Variants in ZGLP1 observed in about 807,000 individuals in gnomAD.
ZGLP1 encodes GATA-type zinc finger protein 1.
A neutral mutation model predicts 21.4 loss-of-function variants in ZGLP1; 11 were observed. The observed-to-expected ratio is 0.51, with a 90% CI of 0.32 to 0.85. The LOEUF is 0.85. Among genes scored for constraint, ZGLP1 ranks in the 40% least tolerant of loss-of-function variants. The pLI is 0.03. For synonymous variants in ZGLP1, 148 were observed against 145.0 expected (o/e 1.02, Z -0.15); for missense variants, 295 against 355.6 (o/e 0.83, Z 1.37).
chr19:10,308,271 G>A (rs878999327), exon 1 of ZGLP1: 2 of 1,604,380 alleles, frequency 1.2e-6, no homozygotes, highest in East Asian at 2.2e-5. Flanking sequence ...CCACTCTCTC[G>A]GTGCCCCGGC....
Position 10,305,723 on chromosome 19 carries a change from G to T in ZGLP1, c.604+123C>A. On this transcript the variant is annotated intron_variant, in intron 2 of 3. Coordinates refer to ENST00000403903, the Ensembl canonical transcript of ZGLP1. This position sits in a 1 kb window ranked among gnomAD's most constrained non-coding sequence, Gnocchi z 4.7. ...CAGCCCAAGTGGAGGGGGGTGCTGC[G>T]ACTCCTCCCTGAGGGCTCTAAATGG... 1.2e-6 allele frequency: 1 copy of T among 841,290 alleles called. No homozygotes were observed. Among genetic ancestry groups the T allele is most frequent in the South Asian group, 1.5e-5 (1 of 67,924 alleles). The allele number at this position is 841,290 out of a possible 1,614,324, so 52.1% of individuals were successfully genotyped here.
Position 10,305,936 on chromosome 19 carries a change from G to A in ZGLP1, c.514C>T (p.Arg172Cys), listed in dbSNP as rs986186130. 65 of 1,560,804 alleles carry A rather than the reference G, an allele frequency of 4.2e-5. No individual in the cohort carries two copies. Among genetic ancestry groups the A allele is most frequent in the Admixed American group, 7.6e-5 (4 of 52,338 alleles). ...GCATCTGCAGGGGATTCCTGAGAAC[G>A]GCTACTGCAGGGCAGGCTGTGGGGC... Residue 172 changes from arginine (R) to cysteine (C), a missense_variant, in exon 2 of 4, where the codon CGT (arginine) becomes TGT (cysteine). Transcript: ENST00000403903. This position sits in a 1 kb window ranked among gnomAD's most constrained non-coding sequence, Gnocchi z 4.7.
chr19:10,304,819 T>C (rs2040269685), exon 4 of ZGLP1: 1 of 493,204 alleles, frequency 2.0e-6, no homozygotes, highest in Non-Finnish European at 3.6e-6. Context: ...CATATCTCTG[T>C]ACTTTATTGT....
rs779840785 is a variant in ZGLP1 at position 10,305,901 on chromosome 19, G to A, written c.549C>T (p.Gly183=). The A allele has an allele frequency of 8.9e-6, 14 of 1,564,902 alleles. No homozygotes were observed. Among genetic ancestry groups the A allele is most frequent in the African/African-American group, 2.7e-5 (2 of 73,978 alleles). The stretch of plus-strand genomic sequence containing the variant: ...CGGTGCCTCCTGGGTGGGCTGCAGG[G>A]CCCCCAACAGCATCTGCAGGGGATT... Residue 183 remains glycine (G), a synonymous_variant, in exon 2 of 4, where the codon GGC becomes GGT. Transcript: ENST00000403903. This position sits in a 1 kb window ranked among gnomAD's most constrained non-coding sequence, Gnocchi z 4.7.
At position 10,305,119 on chromosome 19, in the gene ZGLP1, A is replaced by C. The variant is rs200547722; in HGVS notation, c.788T>G (p.Val263Gly). 1,430 of 1,613,654 alleles carry C rather than the reference A, an allele frequency of 8.9e-4. 19 individuals are homozygous for C. Among genetic ancestry groups the C allele is most frequent in the Admixed American group, 9.2e-4 (55 of 59,984 alleles). ...ACCTTCCTGAATGGGGTCCAGGGAC[A>C]CTCCACATCTGCCACATAGCCTCTT... is the stretch of plus-strand genomic sequence containing the variant. The change falls in exon 4 of 4, where the codon GTG becomes GGG. Residue 263 changes from valine (V) to glycine (G), a missense_variant. Physicochemically the swap from Val to Gly is moderately radical, Grantham distance 109 (BLOSUM62 -3). This residue lies in a region of ZGLP1 where 43 missense variants were observed against 91.7 expected (regional missense o/e 0.47). Coordinates refer to ENST00000403903, the Ensembl canonical transcript of ZGLP1. The surrounding 1 kb of genome is among the most constrained non-coding windows in gnomAD (Gnocchi z 4.7).
chr19:10,305,224 A>G lies in ZGLP1; in HGVS notation c.699-16T>C. The G allele has an allele frequency of 1.9e-6, 3 of 1,612,132 alleles. No individual in the cohort carries two copies. The South Asian group carries it at 3.3e-5, about 18-fold the overall frequency. On this transcript the variant is annotated splice_polypyrimidine_tract_variant and intron_variant, in intron 3 of 3. Coordinates refer to ENST00000403903, the Ensembl canonical transcript of ZGLP1. The surrounding 1 kb of genome is among the most constrained non-coding windows in gnomAD (Gnocchi z 4.7). ...TTTCTTGTACCTAGGGTTGGGGGAC[A>G]AGAAACTGCCATTTAGGATGCAGTG...
In ZGLP1 at chr19:10,307,873, G is replaced by A. The variant is rs1353378380; in HGVS notation, c.497+312C>T. Among the ~76,000 whole-genome samples the A allele has an allele frequency of 2.0e-5, 3 of 152,172 alleles. No individual in the cohort carries two copies. The East Asian group carries it at 5.8e-4, about 29-fold the overall frequency. On this transcript the variant is annotated intron_variant, in intron 1 of 3. Transcript: ENST00000403903. ...AAATACTGCCTGTTAACCTCTTATT[G>A]TTGTCACTACCAACAAATAGTAGCT...
intron 1 of ZGLP1, among the ~76,000 whole-genome samples, chr19:10,307,834 A>T (rs930885415): frequency 6.6e-6 from 1 of 152,214 alleles, no homozygotes; most frequent in Admixed American, 6.5e-5. Flanking sequence ...CTTTTGAATG[A>T]GCCCATACAC....
chr19:10,305,686 G>T lies in ZGLP1; in HGVS notation c.604+160C>A, dbSNP rs1432346721. The T allele has an allele frequency of 8.0e-6, 6 of 746,160 alleles. No homozygotes were observed. The highest frequency in any genetic ancestry group is 3.5e-5 in the African/African-American group (2 of 57,866). 46.2% of individuals were successfully genotyped at this position (746,160 alleles called of 1,614,324 possible). ...CATTCCGCAGAGGAGGAAGCTGGGG[G>T]TGGGGGTGACTCAGCCCAAGTGGAG... On this transcript the variant is annotated intron_variant, in intron 2 of 3. Transcript: ENST00000403903. This position sits in a 1 kb window ranked among gnomAD's most constrained non-coding sequence, Gnocchi z 4.7.
At chr19:10,309,321 C>T (rs1371505048) in exon 1 of ZGLP1, 2 of 152,792 alleles carry the variant, frequency 1.3e-5, no homozygotes, top group African/African-American at 4.8e-5. Flanking sequence ...CTAGCGGGGT[C>T]CGGGGAATGG....
exon 1 of ZGLP1, chr19:10,308,757 G>A (rs1382364551): frequency 4.2e-5 from 56 of 1,346,184 alleles, no homozygotes; most frequent in African/African-American, 5.8e-5. Flanking sequence ...TCCCAGGCAC[G>A]CCCAGCCCTC....
At chr19:10,309,030 G>A (rs1460731899) in exon 1 of ZGLP1, 2 of 200,868 alleles carry the variant, frequency 1.0e-5, no homozygotes, top group Non-Finnish European at 2.0e-5. Context: ...TTACAGGCAC[G>A]CGCCACCACG....
chr19:10,305,547 G>T lies in ZGLP1; in HGVS notation c.605-64C>A. On this transcript the variant is annotated intron_variant, in intron 2 of 3. Coordinates refer to ENST00000403903, the Ensembl canonical transcript of ZGLP1. This position sits in a 1 kb window ranked among gnomAD's most constrained non-coding sequence, Gnocchi z 4.7. Reference sequence around the variant, plus strand: ...AAGCATGTGAGCTCGGGATGCCTGTGCGGAGTCGGGCATTTTGTGGGGGTC... The same window carrying T: ...AAGCATGTGAGCTCGGGATGCCTGTTCGGAGTCGGGCATTTTGTGGGGGTC... 1 of 1,403,816 alleles carries T rather than the reference G, an allele frequency of 7.1e-7. No individual in the cohort carries two copies. The highest frequency in any genetic ancestry group is 1.2e-5 in the South Asian group (1 of 81,336). 87.0% of individuals were successfully genotyped at this position (1,403,816 alleles called of 1,614,324 possible).
intron 1 of ZGLP1, among the ~76,000 whole-genome samples, chr19:10,306,666 A>G (rs2040281614): frequency 6.6e-6 from 1 of 152,070 alleles, no homozygotes; most frequent in Non-Finnish European, 1.5e-5. Flanking sequence ...AACAAAAAAA[A>G]TAGCCAGGAG....
At chr19:10,306,639 G>A (rs923606672) in intron 1 of ZGLP1, among the ~76,000 whole-genome samples, 3 of 151,712 alleles carry the variant, frequency 2.0e-5, no homozygotes, top group Non-Finnish European at 2.9e-5. Context: ...GCAATATAGG[G>A]AGACCCCGTC....
At chr19:10,308,688 C>G (rs1333316374) in exon 1 of ZGLP1, 1 of 1,489,650 alleles carries the variant, frequency 6.7e-7, no homozygotes, top group Non-Finnish European at 9.0e-7. Context: ...TCATTTCTAA[C>G]TCTGGGTGGA....
exon 1 of ZGLP1, chr19:10,308,760 C>G: frequency 7.5e-7 from 1 of 1,328,750 alleles, no homozygotes; most frequent in East Asian, 2.5e-5. Flanking sequence ...CAGGCACGCC[C>G]AGCCCTCCAC....
chr19:10,305,871 G>A lies in ZGLP1; in HGVS notation c.579C>T (p.Ala193=). The change falls in exon 2 of 4, where the codon GCC becomes GCT. Residue 193 remains alanine, a synonymous_variant. Transcript: ENST00000403903. The surrounding 1 kb of genome is among the most constrained non-coding windows in gnomAD (Gnocchi z 4.7). ...CCAGGGCCTCGCTGCCTGCTGAGTG[G>A]GCCTCGGTGCCTCCTGGGTGGGCTG... 6.4e-7 allele frequency: 1 copy of A among 1,558,976 alleles called. No individual in the cohort carries two copies. Among genetic ancestry groups the A allele is most frequent in the Non-Finnish European group, 8.7e-7 (1 of 1,150,378 alleles).
At chr19:10,306,563 A>G (rs914127517) in intron 1 of ZGLP1, among the ~76,000 whole-genome samples, 1 of 152,058 alleles carries the variant, frequency 6.6e-6, no homozygotes, top group African/African-American at 2.4e-5. Context: ...TGGGCTTCCC[A>G]ATACAACAGT....
Sources: allele counts gnomAD v4.1 joint callset (sites outside exome capture counted in the v4.1 genomes callset), GRCh38; gene constraint gnomAD v4.1.1; regional missense constraint gnomAD v4.1.1; non-coding constraint Gnocchi (gnomAD v3.1); transcripts MANE v1.5; gene names NCBI Gene and HGNC (gene_info 2026-07-23, HGNC 2026-07-21).